The following NCALD variants were observed in gnomAD, a reference collection of about 807,000 sequenced individuals.
NCALD encodes the protein neurocalcin delta.
Under a neutral mutation model 18.6 loss-of-function variants are expected in NCALD, and 10 were observed. The ratio of observed to expected loss-of-function variants is 0.54; its 90% CI spans 0.33 to 0.91. The LOEUF is 0.91. Ranked by LOEUF, NCALD falls within the 40% of genes least tolerant of loss-of-function variation. The pLI is 0.03. For missense variants in NCALD, 184 were observed against 247.6 expected (o/e 0.74, Z 1.72); for synonymous variants, 88 against 87.4 (o/e 1.01, Z -0.04).
chr8:101,751,029 A>C (rs895202807), intron 1 of NCALD, among the ~76,000 whole-genome samples: 1 of 152,220 alleles, frequency 6.6e-6, no homozygotes, highest in Non-Finnish European at 1.5e-5. Flanking sequence ...AGAAATGACC[A>C]GTGTCATCAC....
intron 3 of NCALD, among the ~76,000 whole-genome samples, chr8:101,914,958 A>C (rs1344246493): frequency 6.6e-6 from 1 of 152,186 alleles, no homozygotes; most frequent in Non-Finnish European, 1.5e-5. Flanking sequence ...CAATCTCTAA[A>C]TATGGGATCT....
intron 1 of NCALD, among the ~76,000 whole-genome samples, chr8:102,073,885 G>T (rs1242741470): frequency 6.6e-6 from 1 of 152,164 alleles, no homozygotes; most frequent in African/African-American, 2.4e-5. Flanking sequence ...GTTCTCCTTT[G>T]TTCTCACATA....
At chr8:101,925,728 CAATAAATATGT>C (rs1244530813) in intron 2 of NCALD, among the ~76,000 whole-genome samples, 18 of 152,114 alleles carry the variant, frequency 1.2e-4, no homozygotes, top group Admixed American at 3.3e-4. Flanking sequence ...AATAGGTGCT[CAATAAATATGT>C]AATAAATATG....
chr8:101,814,843 T>C (rs539033447), intron 4 of NCALD, among the ~76,000 whole-genome samples: 39 of 152,110 alleles, frequency 2.6e-4, no homozygotes, highest in African/African-American at 8.0e-4. Flanking sequence ...ACCATTTACA[T>C]TGGCATCCTC....
intron 4 of NCALD, among the ~76,000 whole-genome samples, chr8:101,802,952 A>G (rs1812926405): frequency 6.6e-6 from 1 of 151,856 alleles, no homozygotes; most frequent in African/African-American, 2.4e-5. Flanking sequence ...CTGATGGAGA[A>G]GCTGCAGCAA....
At chr8:101,792,436 T>C (rs1161640663), upstream of NCALD, among the ~76,000 whole-genome samples, 1 of 152,212 alleles carries the variant, frequency 6.6e-6, no homozygotes, top group East Asian at 1.9e-4. Context: ...ATTTAAAAAG[T>C]TATTTTCCTG....
intron 4 of NCALD, among the ~76,000 whole-genome samples, chr8:101,863,598 G>A (rs1815635698): frequency 6.6e-6 from 1 of 152,096 alleles, no homozygotes; most frequent in Admixed American, 6.6e-5. Context: ...ATGCTTCTGT[G>A]GGAGGGCAGG....
intron 1 of NCALD, among the ~76,000 whole-genome samples, chr8:101,724,695 T>A (rs573843823): frequency 3.1e-4 from 47 of 152,312 alleles, no homozygotes; most frequent in African/African-American, 1.1e-3. Context: ...ACCTGTGTGA[T>A]AGGCAGGCAG....
rs1025074104 is a variant in NCALD at position 101,915,216 on chromosome 8, A to G, written c.-107+593T>C. On this transcript the variant is annotated intron_variant, in intron 3 of 6. Coordinates refer to the NCALD transcript ENST00000311028. ...AACAGAGCCAAAATTGAACCCAAGT[A>G]TCTGGATCCATATTTGGAGCTAACC... 1.1e-4 allele frequency among the ~76,000 whole-genome samples: 17 copies of G among 152,226 alleles called. No homozygotes were observed. The South Asian group carries it at 1.4e-3, about 13-fold the overall frequency.
At chr8:102,048,468 T>C (rs147497643) in intron 1 of NCALD, among the ~76,000 whole-genome samples, 228 of 152,292 alleles carry the variant, frequency 1.5e-3, no homozygotes, top group South Asian at 0.013. Flanking sequence ...ACTCTTTCTC[T>C]GTACTGGAAT....
chr8:101,890,170 A>G (rs556395542), intron 3 of NCALD, among the ~76,000 whole-genome samples: 1 of 152,356 alleles, frequency 6.6e-6, no homozygotes, highest in African/African-American at 2.4e-5. Flanking sequence ...TCAGTCATAA[A>G]AAGACAACAC....
At chr8:101,958,958 T>C (rs1333822820) in intron 2 of NCALD, among the ~76,000 whole-genome samples, 2 of 152,206 alleles carry the variant, frequency 1.3e-5, no homozygotes, top group Non-Finnish European at 2.9e-5. Context: ...TATCATTCCA[T>C]GAATGCTTTA....
intron 1 of NCALD, among the ~76,000 whole-genome samples, chr8:102,106,409 A>ATT (rs1019497604): frequency 2.0e-5 from 3 of 150,724 alleles, no homozygotes; most frequent in Non-Finnish European, 4.4e-5. Flanking sequence ...GTATAAATAT[A>ATT]TTTTTACACA....
chr8:102,105,253 T>C (rs941174635), intron 1 of NCALD, among the ~76,000 whole-genome samples: 7 of 152,220 alleles, frequency 4.6e-5, no homozygotes, highest in African/African-American at 1.4e-4. Context: ...GTTGAAACTT[T>C]GTAAAGATAA....
At chr8:101,970,823 G>GT (rs1210331644) in intron 2 of NCALD, among the ~76,000 whole-genome samples, 1 of 152,090 alleles carries the variant, frequency 6.6e-6, no homozygotes, top group Non-Finnish European at 1.5e-5. Flanking sequence ...TTTAAATATG[G>GT]TTTTTCTGCT....
Position 102,067,071 on chromosome 8 carries a change from T to G in NCALD, c.-209-46782A>C, listed in dbSNP as rs185846910. Reference sequence around the variant, plus strand: ...GAAGACTGAAAGAAATCTTTCAGATTCTAAAAATGGAAATGATAAAATTAT... The same window carrying G: ...GAAGACTGAAAGAAATCTTTCAGATGCTAAAAATGGAAATGATAAAATTAT... On this transcript the variant is annotated intron_variant, in intron 1 of 6. Transcript: ENST00000311028. Among the ~76,000 whole-genome samples, 177 of 152,328 alleles carry G rather than the reference T, an allele frequency of 1.2e-3. 2 individuals carry two copies. Among genetic ancestry groups the G allele is most frequent in the African/African-American group, 4.1e-3 (171 of 41,580 alleles).
At chr8:101,739,279 C>A (rs1157823085) in intron 1 of NCALD, among the ~76,000 whole-genome samples, 1 of 152,040 alleles carries the variant, frequency 6.6e-6, no homozygotes, top group East Asian at 1.9e-4. Flanking sequence ...TCTCTTACCC[C>A]CCCAGTTAAA....
At chr8:101,870,621 C>T (rs1032207885) in intron 4 of NCALD, among the ~76,000 whole-genome samples, 1 of 152,184 alleles carries the variant, frequency 6.6e-6, no homozygotes, top group African/African-American at 2.4e-5. Flanking sequence ...GAGGCCAACT[C>T]ATCACTGCTG....
intron 2 of NCALD, among the ~76,000 whole-genome samples, chr8:101,697,462 T>G (rs1815053625): frequency 6.6e-6 from 1 of 152,210 alleles, no homozygotes. Flanking sequence ...AGTATCATTT[T>G]GATACCAATG....
Sources: gnomAD v4.1 joint callset for allele counts (sites outside exome capture counted in the v4.1 genomes callset) on GRCh38, gnomAD v4.1.1 for gene constraint, MANE v1.5 for transcripts, NCBI Gene and HGNC (gene_info 2026-07-23, HGNC 2026-07-21) for gene names.